The following PXK variants were observed in gnomAD, a reference collection of about 807,000 sequenced individuals.
The protein encoded by PXK is PX domain containing serine/threonine kinase like.
PXK carries 35 observed loss-of-function variants against 84.7 expected under a neutral mutation model. That is an observed-to-expected ratio of 0.41 (90% confidence interval 0.32 to 0.55). The LOEUF (loss-of-function observed/expected upper bound fraction) is 0.55, where lower values mean the gene tolerates loss of function less well. Ranked by LOEUF, PXK falls within the 20% of genes least tolerant of loss-of-function variation. The probability of loss-of-function intolerance (pLI) is 0.21; values close to 1 mark genes in which losing one functional copy is unlikely to be tolerated. For synonymous variants in PXK, 253 were observed against 260.8 expected (o/e 0.97, Z 0.29); for missense variants, 634 against 699.7 (o/e 0.91, Z 1.06).
intron 1 of PXK, among the ~76,000 whole-genome samples, chr3:58,350,524 T>C (rs947450558): frequency 2.0e-5 from 3 of 152,208 alleles, no homozygotes; most frequent in African/African-American, 7.2e-5. Flanking sequence ...TGTGAAAGTA[T>C]TGTGTCCAAG....
chr3:58,341,601 C>T (rs116708204), intron 1 of PXK, among the ~76,000 whole-genome samples: 2,362 of 152,198 alleles, frequency 0.016, 70 homozygotes, highest in African/African-American at 0.054. Flanking sequence ...ATTCACATAC[C>T]ATATGAGTCA....
At chr3:58,404,986 A>G (rs1308808148) in intron 13 of PXK, among the ~76,000 whole-genome samples, 1 of 152,210 alleles carries the variant, frequency 6.6e-6, no homozygotes, top group African/African-American at 2.4e-5. Flanking sequence ...AAATTTCTTC[A>G]GCCTTGTCAA....
intron 3 of PXK, among the ~76,000 whole-genome samples, chr3:58,372,968 T>C (rs1214242954): frequency 6.6e-6 from 1 of 152,076 alleles, no homozygotes. Flanking sequence ...AGAAGCAGGC[T>C]GTTGAAATGT....
At position 58,425,211 on chromosome 3, in the gene PXK, A is replaced by C; in HGVS notation, c.*251A>C. The C allele has an allele frequency of 2.2e-6, 1 of 458,858 alleles. No homozygotes were observed. Among genetic ancestry groups the C allele is most frequent in the Non-Finnish European group, 3.9e-6 (1 of 256,524 alleles). 28.4% of individuals were successfully genotyped at this position (458,858 alleles called of 1,614,324 possible). A position where few individuals can be genotyped will look rare whatever the true frequency, so the allele number is the denominator to read the frequency against. ...GTAAAGGAGTCTTGTTTATCCTCTA[A>C]TGGCCAGGCTTTTGGGACAGCAGCA... On this transcript the variant is annotated 3_prime_UTR_variant, in exon 18 of 18. Transcript: ENST00000356151.
At chr3:58,334,955 G>GTC (rs66948097) in intron 1 of PXK, among the ~76,000 whole-genome samples, 75 of 114,486 alleles carry the variant, frequency 6.6e-4, no homozygotes, top group East Asian at 1.9e-3. Context: ...GTGTGTGTGT[G>GTC]TGTCTGTGTG....
chr3:58,384,314 C>T (rs1039142709), intron 4 of PXK, among the ~76,000 whole-genome samples: 2 of 152,320 alleles, frequency 1.3e-5, no homozygotes, highest in African/African-American at 4.8e-5. Context: ...GCGTGAGAAG[C>T]CTCACGCTAG....
chr3:58,332,915 C>A lies in PXK; in HGVS notation c.-74C>A. On this transcript the variant is annotated 5_prime_UTR_variant, in exon 1 of 18. Coordinates refer to ENST00000356151, the MANE Select transcript of PXK (RefSeq NM_017771.5). The surrounding 1 kb of genome is among the most constrained non-coding windows in gnomAD (Gnocchi z 5.6). Reference sequence around the variant, plus strand: ...GTGTTGACAGCGGCGGCGGTGGAACCGGGCGGGCGGCGGGAGTCGGCGCCT... The same window carrying A: ...GTGTTGACAGCGGCGGCGGTGGAACAGGGCGGGCGGCGGGAGTCGGCGCCT... The A allele has an allele frequency of 3.0e-6, 3 of 988,832 alleles. No homozygotes were observed. The highest frequency in any genetic ancestry group is 3.9e-6 in the Non-Finnish European group (3 of 771,144). 61.3% of individuals were successfully genotyped at this position (988,832 alleles called of 1,614,324 possible).
At chr3:58,366,039 T>C in intron 2 of PXK, 115 bp downstream of exon 2, 3 of 844,032 alleles carry the variant, frequency 3.6e-6, no homozygotes, top group Non-Finnish European at 5.4e-6. Context: ...TAAATATAAA[T>C]CATGTTTCTT....
chr3:58,378,525 T>TGTGTGTGTGTGC, intron 3 of PXK, among the ~76,000 whole-genome samples: 1 of 58,744 alleles, frequency 1.7e-5, no homozygotes, highest in Non-Finnish European at 4.1e-5. Flanking sequence ...TGTGTGTGTG[T>TGTGTGTGTGTGC]GTGTGTGTGT....
At chr3:58,369,587 A>T (rs2098333011) in intron 3 of PXK, 109 bp downstream of exon 3, 1 of 810,704 alleles carries the variant, frequency 1.2e-6, no homozygotes, top group African/African-American at 1.7e-5. Context: ...GCACTTGGGG[A>T]GGCCAATGCG....
In PXK at chr3:58,412,054, ATGGCAG is replaced by A. The variant is rs2060278947; in HGVS notation, c.1466-846_1466-841del. ...GCTCTGGTGGCTTCTCAGGCGTGTG[ATGGCAG>A]CCCTCTGGGTGTGTGTGCCCATCAG... On this transcript the variant is annotated intron_variant, in intron 16 of 17. Coordinates refer to ENST00000356151, the MANE Select transcript of PXK (RefSeq NM_017771.5). The surrounding 1 kb of genome is among the most constrained non-coding windows in gnomAD (Gnocchi z 6.2). Among the ~76,000 whole-genome samples, 1 of 152,108 alleles carries A rather than the reference ATGGCAG, an allele frequency of 6.6e-6. No individual in the cohort carries two copies. The highest frequency in any genetic ancestry group is 2.4e-5 in the African/African-American group (1 of 41,434).
intron 1 of PXK, among the ~76,000 whole-genome samples, chr3:58,339,481 C>T (rs1030240807): frequency 2.6e-5 from 4 of 151,916 alleles, no homozygotes; most frequent in African/African-American, 4.8e-5. Context: ...CTGCCTGCCT[C>T]GGCCTTCCAA....
At chr3:58,378,524 G>T (rs1256960637) in intron 3 of PXK, among the ~76,000 whole-genome samples, 47 of 49,894 alleles carry the variant, frequency 9.4e-4, no homozygotes, top group South Asian at 1.7e-3. Context: ...GTGTGTGTGT[G>T]TGTGTGTGTG....
chr3:58,398,061 C>T lies in PXK; in HGVS notation c.1102+339C>T, dbSNP rs3922713. Among the ~76,000 whole-genome samples, 114,788 of 151,994 alleles carry T rather than the reference C, an allele frequency of 0.76. 43,571 individuals carry two copies. The highest frequency in any genetic ancestry group is 0.82 in the South Asian group (3,936 of 4,826). The stretch of plus-strand genomic sequence containing the variant: ...GCAACTTGAAGCCAGTCTTGAGGAC[C>T]CAGGCAGGTGTCAGACGTCAGATCA... On this transcript the variant is annotated intron_variant, in intron 11 of 17. Coordinates refer to ENST00000356151, the MANE Select transcript of PXK (RefSeq NM_017771.5). The surrounding 1 kb of genome is among the most constrained non-coding windows in gnomAD (Gnocchi z 4.5).
chr3:58,350,616 G>C (rs974919864), intron 1 of PXK, among the ~76,000 whole-genome samples: 3 of 152,146 alleles, frequency 2.0e-5, no homozygotes, highest in Non-Finnish European at 4.4e-5. Context: ...CTAGTGGTGC[G>C]CCCTTGTTTA....
chr3:58,357,000 G>T (rs1257920626), intron 1 of PXK, among the ~76,000 whole-genome samples: 1 of 151,314 alleles, frequency 6.6e-6, no homozygotes, highest in African/African-American at 2.4e-5. Flanking sequence ...AAAACTTCAG[G>T]CTGGGCGCGG....
At chr3:58,392,871 G>T (rs536725991) in intron 7 of PXK, among the ~76,000 whole-genome samples, 145 of 151,714 alleles carry the variant, frequency 9.6e-4, no homozygotes, top group African/African-American at 3.4e-3. Context: ...CATGTTGGCC[G>T]GGCAGATCTT....
intron 1 of PXK, among the ~76,000 whole-genome samples, chr3:58,351,379 C>A (rs2097919440): frequency 6.8e-6 from 1 of 146,632 alleles, no homozygotes; most frequent in Non-Finnish European, 1.5e-5. Context: ...AGGTGTGCGC[C>A]ACCACAGCTA....
At chr3:58,402,452 TAG>T (rs1024887028) in intron 12 of PXK, among the ~76,000 whole-genome samples, 1 of 150,816 alleles carries the variant, frequency 6.6e-6, no homozygotes. Context: ...TTTTTTTAGA[TAG>T]AGTCTTGCTC....
Sources: gnomAD v4.1 joint callset for allele counts (sites outside exome capture counted in the v4.1 genomes callset) on GRCh38, gnomAD v4.1.1 for gene constraint, Gnocchi (gnomAD v3.1) non-coding constraint, MANE v1.5 for transcripts, NCBI Gene and HGNC (gene_info 2026-07-23, HGNC 2026-07-21) for gene names.